The following TRMT6 variants were observed in gnomAD, a reference collection of about 807,000 sequenced individuals.
TRMT6 encodes the protein tRNA methyltransferase 6 non-catalytic subunit.
Under a neutral mutation model 59.0 loss-of-function variants are expected in TRMT6, and 34 were observed. The observed-to-expected ratio is 0.58, with a 90% CI of 0.44 to 0.77. The LOEUF is 0.77. TRMT6 is among the 30% of genes least tolerant of loss of function. TRMT6 has a pLI of 0.00. For missense variants in TRMT6, 575 were observed against 604.5 expected (o/e 0.95, Z 0.51); for synonymous variants, 217 against 210.5 (o/e 1.03, Z -0.27).
intron 1 of TRMT6, 31 bp downstream of exon 1, chr20:5,950,247 G>A: frequency 1.3e-6 from 2 of 1,552,276 alleles, no homozygotes; most frequent in African/African-American, 1.4e-5. Flanking sequence ...GGTGGGGGCG[G>A]GAGACCCCTA....
In TRMT6 at chr20:5,942,024, G is replaced by C. The variant is rs1251064740; in HGVS notation, c.1039C>G (p.Gln347Glu). 4 of 1,612,446 alleles carry C rather than the reference G, an allele frequency of 2.5e-6. No homozygotes were observed. Among genetic ancestry groups the C allele is most frequent in the Non-Finnish European group, 3.4e-6 (4 of 1,179,938 alleles). The change falls in exon 8 of 11, where the codon CAG becomes GAG. Residue 347 changes from glutamine to glutamate, a missense_variant. Transcript: ENST00000203001. ...GSKKDYIQEK[Q>E]RRQEEQRKRH... is the part of the protein sequence containing the mutation. Reference sequence around the variant, plus strand: ...TTCCTCTGCTCTTCTTGTCTCCTCTGTTTTTCCTGAATCTTCAAAAAGAAA... The same window carrying C: ...TTCCTCTGCTCTTCTTGTCTCCTCTCTTTTTCCTGAATCTTCAAAAAGAAA...
At chr20:5,947,469 C>T (rs1296091970) in intron 1 of TRMT6, among the ~76,000 whole-genome samples, 1 of 152,234 alleles carries the variant, frequency 6.6e-6, no homozygotes, top group Non-Finnish European at 1.5e-5. Flanking sequence ...AGGCTTACCA[C>T]CATTGCTGGT....
At chr20:5,939,435 C>T (rs236172) in intron 10 of TRMT6, among the ~76,000 whole-genome samples, 1 of 148,550 alleles carries the variant, frequency 6.7e-6, no homozygotes, top group Non-Finnish European at 1.5e-5. Flanking sequence ...GAGCCAAGAT[C>T]GCGCCACTGC....
intron 10 of TRMT6, 51 bp from the exon 11 acceptor site, chr20:5,938,777 T>A (rs775983785): frequency 6.5e-7 from 1 of 1,530,760 alleles, no homozygotes. Flanking sequence ...ATAAAGTCCA[T>A]GCTAACAACA....
In TRMT6 at chr20:5,942,621, T is replaced by C. The variant is rs954792539; in HGVS notation, c.833A>G (p.Glu278Gly). The change falls in exon 7 of 11, where the codon GAG (glutamate) becomes GGG (glycine). Residue 278 changes from glutamate to glycine, a missense_variant. Coordinates refer to ENST00000203001, the MANE Select transcript of TRMT6 (RefSeq NM_015939.5). The part of the protein sequence containing the change: ...GTFSAKMLSS[E>G]PKDSALVEES... ...TTCAACCAAAGCACTGTCTTTTGGC[T>C]CTGAAGATAACATCTTGGCAGAAAA... 5.6e-6 allele frequency: 9 copies of C among 1,614,078 alleles called. No individual in the cohort carries two copies. The Admixed American group carries it at 1.3e-4, about 24-fold the overall frequency.
intron 10 of TRMT6, 127 bp downstream of exon 10, chr20:5,940,926 G>C (rs2088650249): frequency 2.6e-6 from 2 of 769,000 alleles, no homozygotes; most frequent in Admixed American, 2.1e-5. Context: ...CTCCCAAAGT[G>C]CTGGGATTAC....
In TRMT6 at chr20:5,943,940, A is replaced by G. The variant is rs377117106; in HGVS notation, c.542+8T>C. Reference sequence around the variant, plus strand: ...CCAATTATACTTTTGAAAGGAAACAAAGCGTACTTAATTTTTCCAGGTTCT... The same window carrying G: ...CCAATTATACTTTTGAAAGGAAACAGAGCGTACTTAATTTTTCCAGGTTCT... On this transcript the variant is annotated splice_region_variant and intron_variant, in intron 5 of 10. Transcript: ENST00000203001. The G allele has an allele frequency of 1.9e-4, 302 of 1,601,662 alleles. 1 individual carries two copies. The South Asian group carries it at 2.8e-3, about 15-fold the overall frequency.
intron 10 of TRMT6, among the ~76,000 whole-genome samples, chr20:5,939,404 C>A (rs1318955359): frequency 6.6e-6 from 1 of 151,598 alleles, no homozygotes; most frequent in African/African-American, 2.4e-5. Context: ...TTGCTTGAAC[C>A]CGGGAGGCAG....
intron 10 of TRMT6, among the ~76,000 whole-genome samples, chr20:5,940,575 A>G (rs1407171224): frequency 1.3e-5 from 2 of 152,232 alleles, no homozygotes; most frequent in Non-Finnish European, 2.9e-5. Flanking sequence ...AACAGCCATG[A>G]GAAATCTCCA....
chr20:5,945,633 C>T (rs138190956), intron 2 of TRMT6, among the ~76,000 whole-genome samples: 3 of 152,246 alleles, frequency 2.0e-5, no homozygotes, highest in African/African-American at 7.2e-5. Flanking sequence ...TTATACCTGG[C>T]ATATATTTGG....
At chr20:5,948,321 G>A (rs564572523) in intron 1 of TRMT6, among the ~76,000 whole-genome samples, 17 of 152,162 alleles carry the variant, frequency 1.1e-4, no homozygotes, top group Non-Finnish European at 2.5e-4. Flanking sequence ...GGAAGGAGTA[G>A]GATTTGCAGA....
At chr20:5,943,887 T>C in intron 5 of TRMT6, 61 bp downstream of exon 5, 1 of 1,572,418 alleles carries the variant, frequency 6.4e-7, no homozygotes, top group East Asian at 2.3e-5. Flanking sequence ...TTACTTAAAA[T>C]CATGACTTTC....
intron 1 of TRMT6, among the ~76,000 whole-genome samples, chr20:5,946,931 A>T (rs1480925185): frequency 6.6e-6 from 1 of 152,192 alleles, no homozygotes; most frequent in Non-Finnish European, 1.5e-5. Flanking sequence ...AGGCAACTTG[A>T]GGTTTCCTAT....
chr20:5,940,972 A>G, intron 10 of TRMT6, 81 bp downstream of exon 10: 1 of 1,117,150 alleles, frequency 9.0e-7, no homozygotes. Flanking sequence ...AGATAACTCT[A>G]TTTAATGACT....
intron 1 of TRMT6, among the ~76,000 whole-genome samples, chr20:5,947,603 C>T (rs1430508186): frequency 2.0e-5 from 3 of 152,208 alleles, no homozygotes; most frequent in Non-Finnish European, 4.4e-5. Context: ...CAGATATGGC[C>T]AATTCTTGTT....
At position 5,942,789 on chromosome 20, in the gene TRMT6, G is replaced by A. The variant is rs754029091; in HGVS notation, c.668-3C>T. On this transcript the variant is annotated splice_polypyrimidine_tract_variant and splice_region_variant and intron_variant, in intron 6 of 10. Transcript: ENST00000203001. ...TAGCTGAATAATGGAGCCAAAACCTGAACAGATAAAAGAAACAAACATCTG... is the reference window on the plus strand; with the variant it reads ...TAGCTGAATAATGGAGCCAAAACCTAAACAGATAAAAGAAACAAACATCTG... 9.3e-6 allele frequency: 15 copies of A among 1,607,690 alleles called. No individual in the cohort carries two copies. The highest frequency in any genetic ancestry group is 4.0e-5 in the African/African-American group (3 of 74,312).
chr20:5,946,609 T>C, intron 1 of TRMT6, 76 bp from the exon 2 acceptor site: 2 of 1,432,938 alleles, frequency 1.4e-6, no homozygotes, highest in Non-Finnish European at 1.9e-6. Flanking sequence ...CTACAGTTTA[T>C]TTCAAAAGTG....
chr20:5,950,171 G>A (rs1319502319), intron 1 of TRMT6, 107 bp downstream of exon 1: 9 of 1,242,650 alleles, frequency 7.2e-6, no homozygotes, highest in Non-Finnish European at 1.0e-5. Flanking sequence ...GGGACCGAGA[G>A]AGCCAAGAAT....
At position 5,950,468 on chromosome 20, in the gene TRMT6, C is replaced by G. The variant is rs2088782597; in HGVS notation, c.-63G>C. ...CCCTCCTCCTCGGTTGTCGCCACCG[C>G]CAGCCTCACTTCCCACAACCTGGCG... On this transcript the variant is annotated 5_prime_UTR_variant, in exon 1 of 11. Transcript: ENST00000203001. 2.0e-6 allele frequency: 3 copies of G among 1,509,902 alleles called. No homozygotes were observed. Among genetic ancestry groups the G allele is most frequent in the African/African-American group, 1.4e-5 (1 of 71,660 alleles). 93.5% of individuals were successfully genotyped at this position (1,509,902 alleles called of 1,614,324 possible).
Sources: gnomAD v4.1 joint callset for allele counts (sites outside exome capture counted in the v4.1 genomes callset) on GRCh38, gnomAD v4.1.1 for gene constraint, MANE v1.5 for transcripts, NCBI Gene and HGNC (gene_info 2026-07-23, HGNC 2026-07-21) for gene names.